Variants in ARHGAP23 observed in about 807,000 individuals in gnomAD.
ARHGAP23 encodes Rho GTPase activating protein 23.
Under a neutral mutation model 136.3 loss-of-function variants are expected in ARHGAP23, and 34 were observed. That is an observed-to-expected ratio of 0.25 (90% CI 0.19 to 0.33). The LOEUF is 0.33. Among genes scored for constraint, ARHGAP23 ranks in the 10% least tolerant of loss-of-function variants. The pLI, the probability that ARHGAP23 is intolerant of heterozygous loss-of-function variation, is 1.00. For missense variants in ARHGAP23, 1,808 were observed against 2,139.0 expected (o/e 0.85, Z 3.05); for synonymous variants, 832 against 920.5 (o/e 0.90, Z 1.74).
intron 1 of ARHGAP23, among the ~76,000 whole-genome samples, chr17:38,420,874 T>C (rs1348793887): frequency 6.6e-6 from 1 of 152,188 alleles, no homozygotes. Flanking sequence ...TGCCACTGAA[T>C]TGCTCACTGT....
At chr17:38,496,002 A>G (rs2040383529) in intron 20 of ARHGAP23, among the ~76,000 whole-genome samples, 1 of 152,000 alleles carries the variant, frequency 6.6e-6, no homozygotes, top group South Asian at 2.1e-4. Context: ...GGTTCAAGCA[A>G]TTCCCCCACC....
intron 17 of ARHGAP23, among the ~76,000 whole-genome samples, chr17:38,487,988 AC>A (rs1176573595): frequency 6.6e-6 from 1 of 152,090 alleles, no homozygotes; most frequent in Non-Finnish European, 1.5e-5. Flanking sequence ...TGCAGCCTCA[AC>A]CTCCTGGGCT....
In ARHGAP23 at chr17:38,510,610, C is replaced by T. The variant is rs1240615791; in HGVS notation, c.4114C>T (p.Leu1372=). 2 of 1,299,126 alleles carry T rather than the reference C, an allele frequency of 1.5e-6. No individual in the cohort carries two copies. The highest frequency in any genetic ancestry group is 3.1e-5 in the African/African-American group (2 of 64,178). 80.5% of individuals were successfully genotyped at this position (1,299,126 alleles called of 1,614,324 possible). Residue 1372 remains leucine (L), a synonymous_variant, in exon 24 of 24, where the codon CTG becomes TTG. Coordinates refer to ENST00000622683, the MANE Select transcript of ARHGAP23 (RefSeq NM_001199417.2). The surrounding 1 kb of genome is among the most constrained non-coding windows in gnomAD (Gnocchi z 4.6). ...LASRPSRMEA[L]RLRLRGTADD... is the part of the protein sequence containing the mutation. ...CTCCCGGCCCTCGCGCATGGAGGCG[C>T]TGCGTCTAAGGCTCCGCGGCACGGC... is the stretch of plus-strand genomic sequence containing the variant.
intron 3 of ARHGAP23, among the ~76,000 whole-genome samples, chr17:38,462,354 A>G (rs1365962261): frequency 6.8e-6 from 1 of 146,740 alleles, no homozygotes; most frequent in Non-Finnish European, 1.5e-5. Flanking sequence ...CCCAGGTTCA[A>G]GTGTTTCTCC....
At chr17:38,420,243 G>C (rs1315274770) in intron 1 of ARHGAP23, among the ~76,000 whole-genome samples, 1 of 152,214 alleles carries the variant, frequency 6.6e-6, no homozygotes, top group South Asian at 2.1e-4. Context: ...CCTGATCTAA[G>C]AGAAGCCAGC....
intron 11 of ARHGAP23, among the ~76,000 whole-genome samples, chr17:38,472,550 T>A (rs950996340): frequency 6.6e-6 from 1 of 150,912 alleles, no homozygotes; most frequent in Non-Finnish European, 1.5e-5. Context: ...GAGATCCAGA[T>A]GAGAGGCGAA....
chr17:38,510,544 A>C lies in ARHGAP23; in HGVS notation c.4048A>C (p.Ser1350Arg). Residue 1350 changes from serine (S) to arginine (R), a missense_variant, in exon 24 of 24, where the codon AGC (serine) becomes CGC (arginine). Physicochemically the swap from Ser to Arg is moderately radical, Grantham distance 110. Coordinates refer to ENST00000622683, the MANE Select transcript of ARHGAP23 (RefSeq NM_001199417.2). This position sits in a 1 kb window ranked among gnomAD's most constrained non-coding sequence, Gnocchi z 4.6. ...GGAGCCGCCCGGCTCGGCGTCGTCC[A>C]GCAGCCAGGAGTCGCTGCGGCCCCC... is the stretch of plus-strand genomic sequence containing the variant. ...APEPPGSASS[S>R]SQESLRPPAA... 2 of 1,193,366 alleles carry C rather than the reference A, an allele frequency of 1.7e-6. No homozygotes were observed. The highest frequency in any genetic ancestry group is 3.8e-5 in the South Asian group (1 of 26,614). The allele number at this position is 1,193,366 out of a possible 1,614,324, so 73.9% of individuals were successfully genotyped here.
chr17:38,510,833 G>A lies in ARHGAP23; in HGVS notation c.4337G>A (p.Gly1446Glu). ...ARAHSDNKDS[G>E]LSSLESTKAR... Reference sequence around the variant, plus strand: ...GCGCACAGTGACAACAAGGACTCCGGACTCAGCAGCCTGGAGTCCACCAAG... The same window carrying A: ...GCGCACAGTGACAACAAGGACTCCGAACTCAGCAGCCTGGAGTCCACCAAG... Residue 1446 changes from glycine (G) to glutamate (E), a missense_variant, in exon 24 of 24, where the codon GGA (glycine) becomes GAA (glutamate). Physicochemically the swap from Gly to Glu is moderately conservative, Grantham distance 98 (BLOSUM62 -2). Transcript: ENST00000622683. The surrounding 1 kb of genome is among the most constrained non-coding windows in gnomAD (Gnocchi z 4.6). The A allele has an allele frequency of 6.6e-7, 1 of 1,509,504 alleles. No homozygotes were observed. Among genetic ancestry groups the A allele is most frequent in the Non-Finnish European group, 8.8e-7 (1 of 1,134,186 alleles). 93.5% of individuals were successfully genotyped at this position (1,509,504 alleles called of 1,614,324 possible).
chr17:38,500,705 G>A (rs2040501158), intron 23 of ARHGAP23, 77 bp downstream of exon 23: 1 of 1,320,684 alleles, frequency 7.6e-7, no homozygotes, highest in African/African-American at 1.5e-5. Flanking sequence ...AGGGAATTGA[G>A]GGAATGGCAG....
At chr17:38,422,537 G>A (rs1460725972) in intron 1 of ARHGAP23, among the ~76,000 whole-genome samples, 2 of 152,184 alleles carry the variant, frequency 1.3e-5, no homozygotes, top group Non-Finnish European at 2.9e-5. Context: ...CAGAGTGGCA[G>A]GGGTGGATTT....
intron 1 of ARHGAP23, among the ~76,000 whole-genome samples, chr17:38,441,717 G>C (rs1040081698): frequency 6.6e-6 from 1 of 152,216 alleles, no homozygotes; most frequent in African/African-American, 2.4e-5. Flanking sequence ...CTGAGACCTG[G>C]AGGGTAAGGG....
chr17:38,510,993 C>G lies in ARHGAP23; in HGVS notation c.*21C>G. 7.1e-7 allele frequency: 1 copy of G among 1,405,972 alleles called. No homozygotes were observed. 87.1% of individuals were successfully genotyped at this position (1,405,972 alleles called of 1,614,324 possible). A position where few individuals can be genotyped will look rare whatever the true frequency, so the allele number is the denominator to read the frequency against. On this transcript the variant is annotated 3_prime_UTR_variant, in exon 24 of 24. Transcript: ENST00000622683. The surrounding 1 kb of genome is among the most constrained non-coding windows in gnomAD (Gnocchi z 4.6). ...TGTGATCCCCACCTCCCGCGCCGCT[C>G]GGGCGCCACCCCTCCCTAGAGCCCC...
intron 23 of ARHGAP23, among the ~76,000 whole-genome samples, chr17:38,509,275 G>T (rs1026739991): frequency 1.3e-5 from 2 of 151,930 alleles, no homozygotes; most frequent in Non-Finnish European, 2.9e-5. Context: ...TTTGGGAGCG[G>T]CTCCAATCCA....
intron 2 of ARHGAP23, among the ~76,000 whole-genome samples, chr17:38,459,963 C>CCTGGCT (rs1289597282): frequency 6.6e-6 from 1 of 152,188 alleles, no homozygotes; most frequent in Non-Finnish European, 1.5e-5. Flanking sequence ...GGGTTCCAGC[C>CCTGGCT]CTGGCTCTGC....
intron 1 of ARHGAP23, among the ~76,000 whole-genome samples, chr17:38,448,346 A>G (rs1380814952): frequency 1.3e-5 from 2 of 152,132 alleles, no homozygotes; most frequent in Non-Finnish European, 2.9e-5. Flanking sequence ...TGTGACTGTG[A>G]TGACTATCCA....
chr17:38,449,903 C>T (rs35164774), intron 1 of ARHGAP23, among the ~76,000 whole-genome samples: 26,639 of 152,126 alleles, frequency 0.18, 3,465 homozygotes, highest in African/African-American at 0.37. Context: ...CTTAACCACA[C>T]GCCCTGCAAC....
chr17:38,499,565 A>G (rs1172997003), intron 22 of ARHGAP23, among the ~76,000 whole-genome samples: 1 of 152,286 alleles, frequency 6.6e-6, no homozygotes, highest in African/African-American at 2.4e-5. Flanking sequence ...TGACAGAGGC[A>G]CACAGGAGCT....
intron 1 of ARHGAP23, among the ~76,000 whole-genome samples, chr17:38,434,213 C>T (rs1299331054): frequency 1.3e-5 from 2 of 152,122 alleles, no homozygotes; most frequent in African/African-American, 4.8e-5. Context: ...CCGCCAACCC[C>T]CCAGCTTCTC....
rs1470812976 is a variant in ARHGAP23, at chr17:38,482,161, G to T, written c.2751+18G>T. On this transcript the variant is annotated intron_variant, in intron 15 of 23. Transcript: ENST00000622683. Reference sequence around the variant, plus strand: ...AGAACCAGGTGAGTCTCTGCCACACGCCAGAGCAGGCCCAGCAGGGGGAGA... The same window carrying T: ...AGAACCAGGTGAGTCTCTGCCACACTCCAGAGCAGGCCCAGCAGGGGGAGA... 4.5e-6 allele frequency: 7 copies of T among 1,545,364 alleles called. No homozygotes were observed. The highest frequency in any genetic ancestry group is 6.1e-6 in the Non-Finnish European group (7 of 1,145,494).
Sources: gnomAD v4.1 joint callset for allele counts (sites outside exome capture counted in the v4.1 genomes callset) on GRCh38, gnomAD v4.1.1 for gene constraint, Gnocchi (gnomAD v3.1) non-coding constraint, MANE v1.5 for transcripts, NCBI Gene and HGNC (gene_info 2026-07-23, HGNC 2026-07-21) for gene names.